The following MON2 variants were observed in gnomAD, a reference collection of about 807,000 sequenced individuals.
The protein encoded by MON2 is protein MON2 homolog.
MON2 carries 84 observed loss-of-function variants against 208.6 expected under a neutral mutation model. That is an observed-to-expected ratio of 0.40 (90% CI 0.34 to 0.48). The LOEUF (loss-of-function observed/expected upper bound fraction) is 0.48. Ranked by LOEUF, MON2 falls within the 20% of genes least tolerant of loss-of-function variation. The pLI is 0.59. For missense variants in MON2, 1,611 were observed against 2,015.4 expected (o/e 0.80, Z 3.84); for synonymous variants, 660 against 694.0 (o/e 0.95, Z 0.77).
At position 62,565,252 on chromosome 12, in the gene MON2, C is replaced by G. The variant is rs890450392; in HGVS notation, c.4048C>G (p.Pro1350Ala). 1.9e-6 allele frequency: 3 copies of G among 1,612,174 alleles called. No homozygotes were observed. Among genetic ancestry groups the G allele is most frequent in the Admixed American group, 3.3e-5 (2 of 59,704 alleles). Residue 1350 changes from proline (P) to alanine (A), a missense_variant, in exon 27 of 35, where the codon CCA becomes GCA. By Grantham distance (27) the Pro-to-Ala change is conservative. Transcript: ENST00000393630. ...GCTTTTATAGGCCATTTGTGTAGGA[C>G]CAGAAAACATGCAGATAATGTATCC... ...DVLQKAICVG[P>A]ENMQIMYPAI...
intron 33 of MON2, 55 bp downstream of exon 33, chr12:62,585,556 A>G: frequency 7.4e-7 from 1 of 1,355,046 alleles, no homozygotes; most frequent in Non-Finnish European, 1.0e-6. Context: ...AATTGTTGAT[A>G]ACAAGGAAAA....
At chr12:62,523,547 G>A (rs938100637) in intron 8 of MON2, among the ~76,000 whole-genome samples, 1 of 152,090 alleles carries the variant, frequency 6.6e-6, no homozygotes, top group East Asian at 1.9e-4. Flanking sequence ...GTGTCATTAT[G>A]ATTATGTCCT....
chr12:62,535,047 C>T lies in MON2; in HGVS notation c.1715+121C>T, dbSNP rs1393414893. On this transcript the variant is annotated intron_variant, in intron 13 of 34. Coordinates refer to ENST00000393630, the MANE Select transcript of MON2 (RefSeq NM_015026.3). ...ATATTAGTTTTTTATATGTGTGAAA[C>T]ATTATTCTTTTTCCCTCATCCCCCT... The T allele has an allele frequency of 1.1e-5, 8 of 725,030 alleles. No individual in the cohort carries two copies. In the East Asian group the frequency reaches 2.3e-4, roughly 21 times the overall value. 44.9% of individuals were successfully genotyped at this position (725,030 alleles called of 1,614,324 possible).
At chr12:62,551,972 T>C (rs2073766504) in intron 23 of MON2, among the ~76,000 whole-genome samples, 1 of 152,218 alleles carries the variant, frequency 6.6e-6, no homozygotes, top group South Asian at 2.1e-4. Flanking sequence ...AGAAAATTTT[T>C]TTTTAAAACA....
intron 2 of MON2, 57 bp from the exon 3 acceptor site, chr12:62,493,858 G>T: frequency 4.8e-6 from 6 of 1,240,418 alleles, no homozygotes; most frequent in Non-Finnish European, 6.5e-6. Flanking sequence ...ATATAAAAAT[G>T]CATTCTTAAT....
intron 4 of MON2, among the ~76,000 whole-genome samples, chr12:62,497,767 C>T (rs1345137346): frequency 1.3e-5 from 2 of 152,068 alleles, no homozygotes; most frequent in Non-Finnish European, 2.9e-5. Context: ...AGGTGTGCAC[C>T]ACCACACCCA....
At chr12:62,519,071 A>G (rs975958991) in intron 8 of MON2, among the ~76,000 whole-genome samples, 2 of 152,218 alleles carry the variant, frequency 1.3e-5, no homozygotes, top group African/African-American at 4.8e-5. Context: ...TTTTAGTCTC[A>G]AGACTGCTTT....
intron 8 of MON2, among the ~76,000 whole-genome samples, chr12:62,519,917 G>A (rs61035483): frequency 0.02 from 3,094 of 152,350 alleles, 105 homozygotes; most frequent in African/African-American, 0.071. Flanking sequence ...CTGGATTCAT[G>A]CCATTCTCCT....
In MON2 at chr12:62,555,796, G is replaced by A. The variant is rs188807153; in HGVS notation, c.3211-198G>A. ...TGCACTCCAGCCTGGATGATAGAGT[G>A]AGACTCCATCTAAAAAAAAAAAAAA... On this transcript the variant is annotated intron_variant, in intron 24 of 34. Transcript: ENST00000393630. Among the ~76,000 whole-genome samples, 534 of 136,446 alleles carry A rather than the reference G, an allele frequency of 3.9e-3. 2 individuals carry two copies. The highest frequency in any genetic ancestry group is 7.6e-3 in the Middle Eastern group (2 of 262). The allele number at this position is 136,446 out of a possible 152,430, so 89.5% of individuals were successfully genotyped here.
Position 62,537,170 on chromosome 12 carries a change from A to G in MON2, c.1920A>G (p.Gln640=), listed in dbSNP as rs1318378353. ...TTCTAGCATATTCCGTTCAGGGCCAAAGTGTTATGATGATAAGTCCATCAA... is the reference window on the plus strand; with the variant it reads ...TTCTAGCATATTCCGTTCAGGGCCAGAGTGTTATGATGATAAGTCCATCAA... ...LSNKSYSVQG[Q]SVMMISPSSE... The change falls in exon 15 of 35, where the codon CAA becomes CAG. Residue 640 remains glutamine (Q), a synonymous_variant. Coordinates refer to ENST00000393630, the MANE Select transcript of MON2 (RefSeq NM_015026.3). 6.2e-7 allele frequency: 1 copy of G among 1,611,044 alleles called. No homozygotes were observed. The highest frequency in any genetic ancestry group is 8.5e-7 in the Non-Finnish European group (1 of 1,178,196).
At chr12:62,558,820 C>CT (rs2074093485) in intron 25 of MON2, among the ~76,000 whole-genome samples, 1 of 151,624 alleles carries the variant, frequency 6.6e-6, no homozygotes, top group South Asian at 2.1e-4. Flanking sequence ...GCCTCGGCCT[C>CT]TGAGTAGCTG....
At chr12:62,501,844 G>A (rs1369128821) in intron 7 of MON2, 146 bp downstream of exon 7, 1 of 819,008 alleles carries the variant, frequency 1.2e-6, no homozygotes. Flanking sequence ...GCAACACTTT[G>A]GGAGGCTGAG....
intron 2 of MON2, chr12:62,485,001 T>C (rs565805467): frequency 2.6e-5 from 4 of 152,008 alleles, no homozygotes; most frequent in East Asian, 1.9e-4. Context: ...TGGGGAAATA[T>C]TATCTTATTT....
rs2075516254 is a variant in MON2, at chr12:62,595,802, G to GAT, written c.*3054_*3055insTA. Reference sequence around the variant, plus strand: ...AAAAGGCATAAAAAAGTCTAGCTTAGAACCACTTTTCACTTGCTTTCATTT... The same window carrying GAT: ...AAAAGGCATAAAAAAGTCTAGCTTAGATAACCACTTTTCACTTGCTTTCATTT... On this transcript the variant is annotated 3_prime_UTR_variant, in exon 35 of 35. Transcript: ENST00000393630. The GAT allele has an allele frequency of 6.6e-6, 1 of 152,284 alleles. No individual in the cohort carries two copies. The highest frequency in any genetic ancestry group is 1.5e-5 in the Non-Finnish European group (1 of 68,028). The allele number at this position is 152,284 out of a possible 1,614,324, so 9.4% of individuals were successfully genotyped here.
At chr12:62,543,297 T>C (rs2073322744) in intron 20 of MON2, 99 bp downstream of exon 20, 1 of 565,966 alleles carries the variant, frequency 1.8e-6, no homozygotes, top group Non-Finnish European at 2.8e-6. Flanking sequence ...CATTAACTTT[T>C]TTTCCCCCTT....
chr12:62,507,218 C>T (rs924072582), intron 7 of MON2, among the ~76,000 whole-genome samples: 6 of 152,114 alleles, frequency 3.9e-5, no homozygotes, highest in Non-Finnish European at 7.4e-5. Context: ...AACTTATACT[C>T]TCTTAGGAAA....
chr12:62,534,538 A>ATATATATATATATATT (rs1377489503), intron 12 of MON2, among the ~76,000 whole-genome samples: 5 of 25,382 alleles, frequency 2.0e-4, no homozygotes, highest in African/African-American at 8.4e-4. Context: ...AAAAAAAAAA[A>ATATATATATATATATT]AAAAATATAT....
rs759712116 is a variant in MON2 at position 62,525,235 on chromosome 12, A to G, written c.1246+15A>G. The G allele has an allele frequency of 1.2e-6, 2 of 1,612,152 alleles. No individual in the cohort carries two copies. The highest frequency in any genetic ancestry group is 2.2e-5 in the East Asian group (1 of 44,804). ...CAACCAAGCTGGTAAAAACATATTC[A>G]TAATTTTGTTTCTTATATTCTGCCG... On this transcript the variant is annotated intron_variant, in intron 10 of 34. Transcript: ENST00000393630.
intron 29 of MON2, among the ~76,000 whole-genome samples, chr12:62,571,000 G>A (rs140608319): frequency 0.01 from 1,586 of 152,108 alleles, 16 homozygotes; most frequent in Middle Eastern, 0.024. Flanking sequence ...AAAGTGCTGC[G>A]ATTACAGGCG....
Sources: gnomAD v4.1 joint callset for allele counts (sites outside exome capture counted in the v4.1 genomes callset) on GRCh38, gnomAD v4.1.1 for gene constraint, MANE v1.5 for transcripts, NCBI Gene and HGNC (gene_info 2026-07-23, HGNC 2026-07-21) for gene names.